The following ZFYVE28 variants were observed in gnomAD, a reference collection of about 807,000 sequenced individuals.
ZFYVE28 encodes the protein zinc finger FYVE-type containing 28, also known as lateral signaling target protein 2 homolog.
ZFYVE28 carries 40 observed loss-of-function variants against 82.1 expected under a neutral mutation model. That is an observed-to-expected ratio of 0.49 (90% CI 0.38 to 0.63). ZFYVE28 has a LOEUF of 0.63. ZFYVE28 is among the 30% of genes least tolerant of loss of function. The probability of loss-of-function intolerance (pLI) is 0.00; values close to 1 mark genes in which losing one functional copy is unlikely to be tolerated. For synonymous variants in ZFYVE28, 612 were observed against 546.1 expected, an observed-to-expected ratio of 1.12 and a Z score of -1.68; for missense variants, 1,321 against 1,242.1, an observed-to-expected ratio of 1.06 and a Z score of -0.96.
intron 7 of ZFYVE28, among the ~76,000 whole-genome samples, chr4:2,308,687 GAAAAGAAAAGAAAAGAA>G (rs1444338949): frequency 5.6e-5 from 7 of 124,162 alleles, no homozygotes; most frequent in Admixed American, 1.6e-4. Flanking sequence ...GAGAAAGAAA[GAAAAGAAAAGAAAAGAA>G]AAAAGAAAAG....
chr4:2,349,728 TA>T (rs35499200), intron 2 of ZFYVE28, among the ~76,000 whole-genome samples: 1 of 150,368 alleles, frequency 6.7e-6, no homozygotes, highest in African/African-American at 2.5e-5. Flanking sequence ...ATTTATCGAG[TA>T]AAAAAAACCA....
chr4:2,325,889 A>G (rs956801666), intron 6 of ZFYVE28, among the ~76,000 whole-genome samples: 9 of 151,964 alleles, frequency 5.9e-5, no homozygotes, highest in African/African-American at 2.2e-4. Context: ...CACCATGCCC[A>G]GTCTCTTACC....
At chr4:2,378,936 A>G (rs938364110) in intron 1 of ZFYVE28, among the ~76,000 whole-genome samples, 37 of 152,222 alleles carry the variant, frequency 2.4e-4, no homozygotes, top group Admixed American at 2.0e-3. Context: ...ACAAGGGTGG[A>G]AGCTGGTGCC....
intron 6 of ZFYVE28, among the ~76,000 whole-genome samples, chr4:2,334,227 G>A (rs986583801): frequency 6.6e-6 from 1 of 152,146 alleles, no homozygotes; most frequent in African/African-American, 2.4e-5. Flanking sequence ...GGGGACTCTG[G>A]GGAGCCAGGG....
At chr4:2,302,107 T>C (rs2108820029) in intron 8 of ZFYVE28, among the ~76,000 whole-genome samples, 1 of 152,340 alleles carries the variant, frequency 6.6e-6, no homozygotes, top group South Asian at 2.1e-4. Flanking sequence ...GGCGAGTGCT[T>C]GTAGCAGGAG....
chr4:2,341,618 G>A lies in ZFYVE28; in HGVS notation c.181-3C>T. The A allele has an allele frequency of 6.2e-7, 1 of 1,602,478 alleles. No homozygotes were observed. ...TTAATGATGTTCAACACATTGTCCT[G>A]AAACAGAAGACAGGAGAAAGTGCGC... On this transcript the variant is annotated splice_region_variant and splice_polypyrimidine_tract_variant and intron_variant, in intron 2 of 12. Coordinates refer to ENST00000290974, the MANE Select transcript of ZFYVE28 (RefSeq NM_020972.3). This position sits in a 1 kb window ranked among gnomAD's most constrained non-coding sequence, Gnocchi z 4.5.
intron 1 of ZFYVE28, among the ~76,000 whole-genome samples, chr4:2,414,414 TG>T (rs1732825998): frequency 6.6e-6 from 1 of 152,258 alleles, no homozygotes; most frequent in African/African-American, 2.4e-5. Flanking sequence ...GGGCCTGGAA[TG>T]TTTACAGGAA....
At chr4:2,297,822 T>TGGGGTGAC (rs1714846875) in intron 8 of ZFYVE28, among the ~76,000 whole-genome samples, 1 of 143,154 alleles carries the variant, frequency 7.0e-6, no homozygotes, top group Non-Finnish European at 1.5e-5. Flanking sequence ...GTGGTGACAG[T>TGGGGTGAC]GGGGTGACAC....
At chr4:2,304,167 C>T in intron 8 of ZFYVE28, 122 bp downstream of exon 8, 2 of 1,329,614 alleles carry the variant, frequency 1.5e-6, no homozygotes, top group Non-Finnish European at 2.0e-6. Flanking sequence ...GGCCAGGGCC[C>T]AGCACCTGCC....
At chr4:2,379,615 C>T (rs963826586) in intron 1 of ZFYVE28, among the ~76,000 whole-genome samples, 2 of 152,146 alleles carry the variant, frequency 1.3e-5, no homozygotes, top group Non-Finnish European at 1.5e-5. Flanking sequence ...GGCACGCGCA[C>T]CTCTGCCAAC....
intron 1 of ZFYVE28, among the ~76,000 whole-genome samples, chr4:2,404,161 A>C (rs1391977004): frequency 6.6e-6 from 1 of 151,322 alleles, no homozygotes; most frequent in Non-Finnish European, 1.5e-5. Context: ...TCTAATAAAA[A>C]TACAAAAAAA....
At chr4:2,327,109 G>T (rs559444920) in intron 6 of ZFYVE28, among the ~76,000 whole-genome samples, 20 of 151,568 alleles carry the variant, frequency 1.3e-4, no homozygotes, top group Non-Finnish European at 2.4e-4. Context: ...AATTAGCTGG[G>T]CATGGTGGCT....
intron 2 of ZFYVE28, among the ~76,000 whole-genome samples, chr4:2,351,687 CT>C (rs1467726110): frequency 6.6e-6 from 1 of 152,150 alleles, no homozygotes; most frequent in Non-Finnish European, 1.5e-5. Context: ...GCACTCCAGC[CT>C]GGGCGAGAGA....
intron 1 of ZFYVE28, among the ~76,000 whole-genome samples, chr4:2,368,211 C>CAAAAAAAAAAAAAAAAAAAAAAA: frequency 1.2e-5 from 1 of 86,190 alleles, no homozygotes; most frequent in Non-Finnish European, 2.2e-5. Context: ...CACATCTCTA[C>CAAAAAAAAAAAAAAAAAAAAAAA]AAAAAAAAAA....
chr4:2,314,681 G>A (rs1717954047), intron 7 of ZFYVE28, among the ~76,000 whole-genome samples: 1 of 152,072 alleles, frequency 6.6e-6, no homozygotes, highest in Non-Finnish European at 1.5e-5. Flanking sequence ...TGTATATCAT[G>A]AATTTTAGTA....
rs1482200984 is a variant in ZFYVE28, at chr4:2,351,867, G to A, written c.180+2066C>T. On this transcript the variant is annotated intron_variant, in intron 2 of 12. Transcript: ENST00000290974. Reference sequence around the variant, plus strand: ...TGTAGAGTGGCTCGCAGAACTCAGGGAAACACTTCGTTTATGGTTCTGGCT... The same window carrying A: ...TGTAGAGTGGCTCGCAGAACTCAGGAAAACACTTCGTTTATGGTTCTGGCT... Among the ~76,000 whole-genome samples, 10 of 152,340 alleles carry A rather than the reference G, an allele frequency of 6.6e-5. No individual in the cohort carries two copies. The South Asian group carries it at 1.9e-3, about 28-fold the overall frequency.
chr4:2,327,282 ATATATATATATATATATATATATATATC>A (rs1391441796), intron 6 of ZFYVE28, among the ~76,000 whole-genome samples: 2,007 of 37,592 alleles, frequency 0.053, 64 homozygotes, highest in Non-Finnish European at 0.088. Flanking sequence ...ATATATATAT[ATATATATATATATATATATATATATATC>A]GAATAAAGTT....
At chr4:2,308,669 GAAAGAA>G (rs750349759) in intron 7 of ZFYVE28, among the ~76,000 whole-genome samples, 19 of 88,576 alleles carry the variant, frequency 2.1e-4, no homozygotes, top group African/African-American at 8.7e-4. Flanking sequence ...AAGAAAGAAA[GAAAGAA>G]AGAGAAAGAA....
intron 1 of ZFYVE28, among the ~76,000 whole-genome samples, chr4:2,405,922 G>A (rs992980660): frequency 1.2e-4 from 18 of 151,786 alleles, no homozygotes; most frequent in Middle Eastern, 3.2e-3. Flanking sequence ...GGTGGCAGGC[G>A]CCTGTAATCC....
Sources: allele counts gnomAD v4.1 joint callset (sites outside exome capture counted in the v4.1 genomes callset), GRCh38; gene constraint gnomAD v4.1.1; non-coding constraint Gnocchi (gnomAD v3.1); transcripts MANE v1.5; gene names NCBI Gene and HGNC (gene_info 2026-07-23, HGNC 2026-07-21).